The following CCDC7 variants were observed in gnomAD, a reference collection of about 807,000 sequenced individuals.
CCDC7 encodes coiled-coil domain-containing protein 7.
CCDC7 carries 183 observed loss-of-function variants against 196.9 expected under a neutral mutation model. That is an observed-to-expected ratio of 0.93 (90% CI 0.82 to 1.05). The LOEUF is 1.05. Ranked by LOEUF, CCDC7 falls within the 50% of genes least tolerant of loss-of-function variation. CCDC7 has a pLI of 0.00. For synonymous variants in CCDC7, 525 were observed against 484.6 expected, an observed-to-expected ratio of 1.08 and a Z score of -1.10; for missense variants, 1,540 against 1,482.2, an observed-to-expected ratio of 1.04 and a Z score of -0.64.
At chr10:32,631,684 A>C (rs1364767202) in intron 18 of CCDC7, among the ~76,000 whole-genome samples, 1 of 151,646 alleles carries the variant, frequency 6.6e-6, no homozygotes, top group Non-Finnish European at 1.5e-5. Flanking sequence ...AAAAAAAAAA[A>C]ACACTAATTG....
intron 29 of CCDC7, among the ~76,000 whole-genome samples, chr10:32,794,672 T>TA (rs2083259306): frequency 6.6e-6 from 1 of 152,216 alleles, no homozygotes; most frequent in South Asian, 2.1e-4. Context: ...CTCTCTAATA[T>TA]TAGTGATAAT....
In CCDC7 at chr10:32,486,791, C is replaced by A. The variant is rs1293681924; in HGVS notation, c.797-5131C>A. Among the ~76,000 whole-genome samples the A allele has an allele frequency of 3.3e-5, 5 of 150,882 alleles. No individual in the cohort carries two copies. In the South Asian group the frequency reaches 1.1e-3, roughly 32 times the overall value. On this transcript the variant is annotated intron_variant, in intron 8 of 41. Coordinates refer to ENST00000639629, the Ensembl canonical transcript of CCDC7. ...GATATGAGATTCTGGGTTGAAAATT[C>A]TTTTCTTTAAGAATGTTGAATATTG...
At chr10:32,443,559 T>A (rs976461646), upstream of CCDC7, among the ~76,000 whole-genome samples, 1 of 152,252 alleles carries the variant, frequency 6.6e-6, no homozygotes, top group African/African-American at 2.4e-5. Flanking sequence ...TCATTTTCAT[T>A]GTTGGAAAGA....
chr10:32,633,234 C>G (rs1375056029), intron 18 of CCDC7, among the ~76,000 whole-genome samples: 1 of 147,254 alleles, frequency 6.8e-6, no homozygotes. Flanking sequence ...CACACACACA[C>G]ACATTCATAC....
chr10:32,553,982 G>A (rs1251279032), intron 13 of CCDC7, among the ~76,000 whole-genome samples: 1 of 152,190 alleles, frequency 6.6e-6, no homozygotes, highest in Non-Finnish European at 1.5e-5. Flanking sequence ...GACTCCTTGG[G>A]TGAGTCTTGC....
Position 32,860,899 on chromosome 10 carries a change from G to A in CCDC7, c.4111+6410G>A, listed in dbSNP as rs538330862. On this transcript the variant is annotated intron_variant, in intron 41 of 41. Transcript: ENST00000639629. ...AGGAGAACTACAAACCACTGCTCAAGGAAATAAGAGAGAACATAAATAAAT... is the reference window on the plus strand; with the variant it reads ...AGGAGAACTACAAACCACTGCTCAAAGAAATAAGAGAGAACATAAATAAAT... Among the ~76,000 whole-genome samples the A allele has an allele frequency of 1.2e-3, 183 of 152,072 alleles. 1 individual carries two copies. The highest frequency in any genetic ancestry group is 2.8e-3 in the Admixed American group (43 of 15,260).
intron 21 of CCDC7, among the ~76,000 whole-genome samples, chr10:32,678,204 G>A (rs1009209143): frequency 6.6e-6 from 1 of 151,874 alleles, no homozygotes; most frequent in African/African-American, 2.4e-5. Context: ...TCTTTTTCAG[G>A]GAGGTCATAG....
At chr10:32,696,432 T>G (rs58762551) in intron 24 of CCDC7, among the ~76,000 whole-genome samples, 8,072 of 151,856 alleles carry the variant, frequency 0.053, 717 homozygotes, top group African/African-American at 0.18. Flanking sequence ...GGGCCTCCAT[T>G]CCTCACTGGG....
intron 41 of CCDC7, among the ~76,000 whole-genome samples, chr10:32,863,987 TAAA>T (rs199761389): frequency 3.6e-5 from 5 of 138,188 alleles, no homozygotes; most frequent in Admixed American, 7.2e-5. Flanking sequence ...TACTGACTGG[TAAA>T]AAAAAAAAAA....
At chr10:32,666,150 G>A (rs2072651816) in intron 21 of CCDC7, among the ~76,000 whole-genome samples, 1 of 139,778 alleles carries the variant, frequency 7.2e-6, no homozygotes, top group South Asian at 2.4e-4. Context: ...TGACAAAGAA[G>A]TTTCACCGGT....
intron 40 of CCDC7, among the ~76,000 whole-genome samples, chr10:32,853,546 TC>T (rs1187218365): frequency 6.6e-6 from 1 of 152,178 alleles, no homozygotes; most frequent in Non-Finnish European, 1.5e-5. Flanking sequence ...AAAGTACCAT[TC>T]AAATGTTTCA....
At chr10:32,522,158 C>T (rs576073411) in intron 11 of CCDC7, among the ~76,000 whole-genome samples, 3 of 152,228 alleles carry the variant, frequency 2.0e-5, no homozygotes, top group East Asian at 3.9e-4. Flanking sequence ...GAGCTTTTGT[C>T]TAGATTTGAT....
At chr10:32,568,388 A>G (rs2057153377) in intron 15 of CCDC7, among the ~76,000 whole-genome samples, 1 of 152,150 alleles carries the variant, frequency 6.6e-6, no homozygotes, top group African/African-American at 2.4e-5. Context: ...TGACTTAAAT[A>G]TATACTGATT....
At chr10:32,575,529 T>C (rs1250385206) in intron 16 of CCDC7, among the ~76,000 whole-genome samples, 1 of 152,190 alleles carries the variant, frequency 6.6e-6, no homozygotes, top group Non-Finnish European at 1.5e-5. Flanking sequence ...CCTTCTCACA[T>C]ATCACTTCAC....
chr10:32,447,619 G>A (rs1387338039), upstream of CCDC7, among the ~76,000 whole-genome samples: 1 of 152,114 alleles, frequency 6.6e-6, no homozygotes, highest in Non-Finnish European at 1.5e-5. Flanking sequence ...GTAAAAGGGA[G>A]CAGGGCGCAC....
chr10:32,642,139 A>C (rs1298539655), intron 20 of CCDC7, among the ~76,000 whole-genome samples: 2 of 152,164 alleles, frequency 1.3e-5, no homozygotes, highest in South Asian at 2.1e-4. Context: ...CTCAGATCTC[A>C]AACTCCATGC....
Position 32,568,006 on chromosome 10 carries a change from G to GTTGTT in CCDC7, c.1419+117_1419+118insGTTTT, listed in dbSNP as rs537103642. 4.7e-4 allele frequency: 278 copies of GTTGTT among 597,668 alleles called. 1 individual carries two copies. The highest frequency in any genetic ancestry group is 8.1e-4 in the South Asian group (23 of 28,364). 37.0% of individuals were successfully genotyped at this position (597,668 alleles called of 1,614,324 possible). ...TAAAAATTCATGCCTCTGTTTTTGG[G>GTTGTT]TTTTTTTTTTTTTTTTTTTGAGATG... On this transcript the variant is annotated intron_variant, in intron 15 of 41. Transcript: ENST00000639629.
At chr10:32,566,070 TC>T (rs1231838280) in intron 14 of CCDC7, among the ~76,000 whole-genome samples, 1 of 152,154 alleles carries the variant, frequency 6.6e-6, no homozygotes. Context: ...TATAAGCATT[TC>T]ATAAATGAAT....
chr10:32,516,429 A>T (rs2047044186), intron 9 of CCDC7, among the ~76,000 whole-genome samples: 1 of 152,124 alleles, frequency 6.6e-6, no homozygotes, highest in African/African-American at 2.4e-5. Context: ...CTGGGACTAC[A>T]GGCACCTGCC....
Sources: gnomAD v4.1 joint callset for allele counts (sites outside exome capture counted in the v4.1 genomes callset) on GRCh38, gnomAD v4.1.1 for gene constraint, MANE v1.5 for transcripts, NCBI Gene and HGNC (gene_info 2026-07-23, HGNC 2026-07-21) for gene names.